EXOC6B: variants seen among roughly 807,000 people sequenced by gnomAD.
EXOC6B encodes the protein exocyst complex component 6B.
A neutral mutation model predicts 113.5 loss-of-function variants in EXOC6B; 54 were observed. The ratio of observed to expected loss-of-function variants is 0.48; its 90% CI spans 0.38 to 0.60. EXOC6B has a LOEUF of 0.60. Ranked by LOEUF, EXOC6B falls within the 20% of genes least tolerant of loss-of-function variation. EXOC6B has a pLI of 0.00. For missense variants in EXOC6B, 797 were observed against 977.5 expected (o/e 0.82, Z 2.46); for synonymous variants, 357 against 339.0 (o/e 1.05, Z -0.58).
At chr2:72,546,109 C>A (rs1702885813) in intron 8 of EXOC6B, among the ~76,000 whole-genome samples, 1 of 152,182 alleles carries the variant, frequency 6.6e-6, no homozygotes, top group Non-Finnish European at 1.5e-5. Flanking sequence ...TATTGACCAT[C>A]TTACACCATT....
At chr2:72,406,326 T>A (rs1399288294) in intron 18 of EXOC6B, among the ~76,000 whole-genome samples, 1 of 151,964 alleles carries the variant, frequency 6.6e-6, no homozygotes, top group Non-Finnish European at 1.5e-5. Flanking sequence ...TATCCAGGAA[T>A]TGAACTCAGC....
At chr2:72,802,048 G>A (rs1485160485) in intron 1 of EXOC6B, among the ~76,000 whole-genome samples, 1 of 152,098 alleles carries the variant, frequency 6.6e-6, no homozygotes, top group Non-Finnish European at 1.5e-5. Context: ...CTTGTGGCTG[G>A]GCACTGTGGC....
chr2:72,176,489 C>T lies in EXOC6B; in HGVS notation c.*2846G>A, dbSNP rs1677742873. ...AGCACTTGTCAAGTGTACAGTAAGG[C>T]TAGACTGACTTGGAGGACTGGTATG... On this transcript the variant is annotated 3_prime_UTR_variant, in exon 22 of 22. Coordinates refer to ENST00000272427, the MANE Select transcript of EXOC6B (RefSeq NM_015189.3). 1 of 152,160 alleles carries T rather than the reference C, an allele frequency of 6.6e-6. No homozygotes were observed. The highest frequency in any genetic ancestry group is 2.4e-5 in the African/African-American group (1 of 41,430). The allele number at this position is 152,160 out of a possible 1,614,324, so 9.4% of individuals were successfully genotyped here. A position where few individuals can be genotyped will look rare whatever the true frequency, so the allele number is the denominator to read the frequency against.
intron 19 of EXOC6B, among the ~76,000 whole-genome samples, chr2:72,372,544 A>G (rs1248217321): frequency 3.3e-5 from 5 of 152,192 alleles, no homozygotes; most frequent in African/African-American, 9.6e-5. Context: ...TTTTAGAGAA[A>G]GGTGTCAAGA....
chr2:72,356,526 T>G (rs1689979251), intron 19 of EXOC6B, among the ~76,000 whole-genome samples: 1 of 152,100 alleles, frequency 6.6e-6, no homozygotes, highest in African/African-American at 2.4e-5. Flanking sequence ...CTGGGCAACA[T>G]AGCAAGATCC....
At chr2:72,694,117 AT>A (rs1320941429) in intron 6 of EXOC6B, among the ~76,000 whole-genome samples, 2 of 152,058 alleles carry the variant, frequency 1.3e-5, no homozygotes, top group East Asian at 3.9e-4. Context: ...CTGGATACAA[AT>A]TTTCTGCTTT....
At chr2:72,801,520 C>T (rs1448627291) in intron 1 of EXOC6B, among the ~76,000 whole-genome samples, 1 of 152,142 alleles carries the variant, frequency 6.6e-6, no homozygotes, top group Non-Finnish European at 1.5e-5. Context: ...ACTATGTTGA[C>T]TGTCTCTATC....
At chr2:72,800,478 TA>T (rs1026020000) in intron 1 of EXOC6B, among the ~76,000 whole-genome samples, 4 of 152,310 alleles carry the variant, frequency 2.6e-5, no homozygotes, top group African/African-American at 4.8e-5. Context: ...TTTTTTAACT[TA>T]AAAAATGTTT....
chr2:72,809,315 T>C (rs1685750250), intron 1 of EXOC6B, among the ~76,000 whole-genome samples: 1 of 151,974 alleles, frequency 6.6e-6, no homozygotes, highest in African/African-American at 2.4e-5. Flanking sequence ...ACAATACAAG[T>C]ATATGCTGTT....
At chr2:72,800,264 T>C (rs1573817922) in intron 1 of EXOC6B, among the ~76,000 whole-genome samples, 1 of 152,168 alleles carries the variant, frequency 6.6e-6, no homozygotes, top group East Asian at 1.9e-4. Context: ...ATGTAACTAT[T>C]CATTTAATTT....
chr2:72,737,390 T>C (rs548357953), intron 2 of EXOC6B, among the ~76,000 whole-genome samples: 1 of 152,148 alleles, frequency 6.6e-6, no homozygotes, highest in African/African-American at 2.4e-5. Context: ...TTTCAGATGG[T>C]TCACTTTTTT....
rs139853361 is a variant in EXOC6B, at chr2:72,794,570, G to C, written c.113+31228C>G. On this transcript the variant is annotated intron_variant, in intron 1 of 21. Transcript: ENST00000272427. ...CCTCTGTTCACTTCTTGGAGAAGGT[G>C]CTGATAGATTATGATCAAACCAGAA... Among the ~76,000 whole-genome samples, 21 of 152,278 alleles carry C rather than the reference G, an allele frequency of 1.4e-4. No individual in the cohort carries two copies. The East Asian group carries it at 3.5e-3, about 25-fold the overall frequency.
At position 72,559,459 on chromosome 2, in the gene EXOC6B, A is replaced by G. The variant is rs766907267; in HGVS notation, c.909T>C (p.Ser303=). The G allele has an allele frequency of 2.5e-6, 4 of 1,606,778 alleles. No homozygotes were observed. In the East Asian group the frequency reaches 6.7e-5, roughly 27 times the overall value. ...GAGCCAGATAAAGACTCACCAGGAC[A>G]GAATATATATGTAGACATCGATAAA... ...SPVYRCLHIY[S]VLGARETFEN... Residue 303 remains serine (S), a synonymous_variant, in exon 8 of 22, where the codon TCT becomes TCC. Coordinates refer to ENST00000272427, the MANE Select transcript of EXOC6B (RefSeq NM_015189.3).
intron 17 of EXOC6B, among the ~76,000 whole-genome samples, chr2:72,466,374 A>G (rs2105425130): frequency 6.6e-6 from 1 of 151,518 alleles, no homozygotes. Flanking sequence ...AAGAAAAGAA[A>G]AGAAATAAGT....
chr2:72,482,762 A>C (rs1322071051), intron 16 of EXOC6B, among the ~76,000 whole-genome samples: 2 of 152,320 alleles, frequency 1.3e-5, no homozygotes, highest in African/African-American at 4.8e-5. Flanking sequence ...ATGTCAACTC[A>C]TAAAGACAAT....
chr2:72,281,314 G>A (rs1210991235), intron 20 of EXOC6B, among the ~76,000 whole-genome samples: 1 of 152,130 alleles, frequency 6.6e-6, no homozygotes, highest in Non-Finnish European at 1.5e-5. Context: ...ATGTCTAATG[G>A]CTGGGATTCA....
At chr2:72,793,854 A>C (rs1341066283) in intron 1 of EXOC6B, among the ~76,000 whole-genome samples, 1 of 152,202 alleles carries the variant, frequency 6.6e-6, no homozygotes, top group Admixed American at 6.5e-5. Context: ...ATTTGTACCC[A>C]GAGTAGGAAG....
intron 8 of EXOC6B, among the ~76,000 whole-genome samples, chr2:72,530,807 A>G (rs1286517446): frequency 1.3e-5 from 2 of 151,940 alleles, no homozygotes; most frequent in African/African-American, 4.8e-5. Flanking sequence ...TGATGGATTG[A>G]CCCTTTTACC....
intron 6 of EXOC6B, among the ~76,000 whole-genome samples, chr2:72,678,542 C>T (rs1442463407): frequency 6.6e-6 from 1 of 152,110 alleles, no homozygotes; most frequent in Non-Finnish European, 1.5e-5. Context: ...CCCACCTTTA[C>T]TAAAAATGCA....
Sources: allele counts gnomAD v4.1 joint callset (sites outside exome capture counted in the v4.1 genomes callset), GRCh38; gene constraint gnomAD v4.1.1; transcripts MANE v1.5; gene names NCBI Gene and HGNC (gene_info 2026-07-23, HGNC 2026-07-21).